ILKAP: variants seen among roughly 807,000 people sequenced by gnomAD.
The protein encoded by ILKAP is integrin-linked kinase-associated serine/threonine phosphatase 2C.
A neutral mutation model predicts 49.1 loss-of-function variants in ILKAP; 11 were observed. That is an observed-to-expected ratio of 0.22 (90% CI 0.14 to 0.37). ILKAP has a LOEUF of 0.37. ILKAP is among the 10% of genes least tolerant of loss of function. The pLI is 1.00. For missense variants in ILKAP, 363 were observed against 510.8 expected (o/e 0.71, Z 2.79); for synonymous variants, 186 against 192.8 (o/e 0.96, Z 0.29).
chr2:238,188,230 C>A lies in ILKAP; in HGVS notation c.326G>T (p.Gly109Val). ...CTCACCCTTCCGCTCAGCCACATAG[C>A]CCTTCAGACCAAAGATCACCGAAGA... ...KASSVIFGLK[G>V]YVAERKGERE... Residue 109 changes from glycine (G) to valine (V), a missense_variant, in exon 5 of 12, where the codon GGC becomes GTC. Transcript: ENST00000254654. 6.2e-7 allele frequency: 1 copy of A among 1,613,960 alleles called. No individual in the cohort carries two copies. The highest frequency in any genetic ancestry group is 8.5e-7 in the Non-Finnish European group (1 of 1,179,990).
At chr2:238,170,834 G>A in intron 11 of ILKAP, 109 bp downstream of exon 11, 1 of 1,437,202 alleles carries the variant, frequency 7.0e-7, no homozygotes, top group Non-Finnish European at 9.8e-7. Flanking sequence ...ACTGAAAAAG[G>A]GCACAAGGGC....
intron 1 of ILKAP, among the ~76,000 whole-genome samples, chr2:238,198,529 G>T (rs529560214): frequency 4.6e-5 from 7 of 152,296 alleles, no homozygotes; most frequent in Admixed American, 1.3e-4. Flanking sequence ...GTGACCCACT[G>T]CTCCAGGCCC....
At position 238,170,975 on chromosome 2, in the gene ILKAP, C is replaced by T. The variant is rs759848373; in HGVS notation, c.1006G>A (p.Glu336Lys). 5.6e-6 allele frequency: 9 copies of T among 1,613,924 alleles called. No individual in the cohort carries two copies. The African/African-American group carries it at 6.7e-5, about 12-fold the overall frequency. The change falls in exon 11 of 12, where the codon GAA (glutamate) becomes AAA (lysine). Residue 336 changes from glutamate (E) to lysine (K), a missense_variant. Physicochemically the swap from Glu to Lys is moderately conservative, Grantham distance 56. Coordinates refer to ENST00000254654, the MANE Select transcript of ILKAP (RefSeq NM_030768.3). ...CAGGACAAGATGAAGTTCACGGCTT[C>T]TTCTGGGGTAAAGACCTTGAAGAGC... ...DGLFKVFTPE[E>K]AVNFILSCLE...
At chr2:238,190,636 G>A (rs890100317) in intron 3 of ILKAP, among the ~76,000 whole-genome samples, 1 of 152,252 alleles carries the variant, frequency 6.6e-6, no homozygotes, top group Admixed American at 6.5e-5. Flanking sequence ...TTTGAAAATG[G>A]GTCAGGACAA....
At position 238,184,215 on chromosome 2, in the gene ILKAP, G is replaced by C. The variant is rs1239181215; in HGVS notation, c.533-102C>G. On this transcript the variant is annotated intron_variant, in intron 6 of 11. Transcript: ENST00000254654. ...TTTTTTGTTTTATTTTTTTGAGACG[G>C]AGTCTCGTTCTGTCACCAGGCTGGA... The C allele has an allele frequency of 1.4e-5, 10 of 735,404 alleles. No individual in the cohort carries two copies. The East Asian group carries it at 2.1e-4, about 15-fold the overall frequency. 45.6% of individuals were successfully genotyped at this position (735,404 alleles called of 1,614,324 possible). A position where few individuals can be genotyped will look rare whatever the true frequency, so the allele number is the denominator to read the frequency against.
intron 6 of ILKAP, among the ~76,000 whole-genome samples, 166 bp downstream of exon 6, chr2:238,185,015 T>A (rs968317790): frequency 6.6e-6 from 1 of 152,208 alleles, no homozygotes; most frequent in Non-Finnish European, 1.5e-5. Flanking sequence ...CACACCTGCA[T>A]GGCCGCTACT....
intron 4 of ILKAP, among the ~76,000 whole-genome samples, chr2:238,189,446 A>G (rs1199494998): frequency 6.6e-6 from 1 of 152,252 alleles, no homozygotes; most frequent in African/African-American, 2.4e-5. Flanking sequence ...ACAAATTTCA[A>G]CGGCTTTTTC....
At chr2:238,172,249 G>A (rs1194423592) in intron 10 of ILKAP, among the ~76,000 whole-genome samples, 2 of 152,076 alleles carry the variant, frequency 1.3e-5, no homozygotes, top group Non-Finnish European at 2.9e-5. Context: ...ATGAGGTTTT[G>A]CCATGTTGGC....
rs1006888123 is a variant in ILKAP at position 238,203,663 on chromosome 2, C to G, written c.-110G>C. On this transcript the variant is annotated 5_prime_UTR_variant, in exon 1 of 12. Transcript: ENST00000254654. Reference sequence around the variant, plus strand: ...GCAGCGGGCGGGCGACGGGCAGGGGCGGCCGGCGCCGTCAGTCACCTGCAG... The same window carrying G: ...GCAGCGGGCGGGCGACGGGCAGGGGGGGCCGGCGCCGTCAGTCACCTGCAG... The G allele has an allele frequency of 3.9e-6, 2 of 513,540 alleles. No homozygotes were observed. The highest frequency in any genetic ancestry group is 5.4e-6 in the Non-Finnish European group (2 of 369,516). The allele number at this position is 513,540 out of a possible 1,614,324, so 31.8% of individuals were successfully genotyped here. A position where few individuals can be genotyped will look rare whatever the true frequency, so the allele number is the denominator to read the frequency against.
intron 9 of ILKAP, among the ~76,000 whole-genome samples, chr2:238,180,086 G>A (rs538203917): frequency 2.6e-5 from 4 of 151,896 alleles, no homozygotes; most frequent in East Asian, 1.9e-4. Context: ...CTGGAGGATC[G>A]CTTCAACCTC....
intron 5 of ILKAP, chr2:238,186,824 A>C (rs895168620): frequency 6.6e-6 from 1 of 152,148 alleles, no homozygotes; most frequent in African/African-American, 2.4e-5. Flanking sequence ...ATGAGAAAAA[A>C]AACCTCATCT....
chr2:238,170,470 T>G lies in ILKAP; in HGVS notation c.*66A>C. On this transcript the variant is annotated 3_prime_UTR_variant, in exon 12 of 12. Coordinates refer to ENST00000254654, the MANE Select transcript of ILKAP (RefSeq NM_030768.3). ...CCACAGGAGTACACAAAACACACAATGTGCACACACACAAAATGAACCTTT... is the reference window on the plus strand; with the variant it reads ...CCACAGGAGTACACAAAACACACAAGGTGCACACACACAAAATGAACCTTT... 6.6e-7 allele frequency: 1 copy of G among 1,506,716 alleles called. No homozygotes were observed. The highest frequency in any genetic ancestry group is 9.0e-7 in the Non-Finnish European group (1 of 1,117,240). The allele number at this position is 1,506,716 out of a possible 1,614,324, so 93.3% of individuals were successfully genotyped here. A position where few individuals can be genotyped will look rare whatever the true frequency, so the allele number is the denominator to read the frequency against.
At chr2:238,174,666 A>G (rs1693368907) in intron 9 of ILKAP, among the ~76,000 whole-genome samples, 1 of 152,206 alleles carries the variant, frequency 6.6e-6, no homozygotes, top group Non-Finnish European at 1.5e-5. Flanking sequence ...ACAGGTCAGT[A>G]TCCGTAACAA....
At chr2:238,186,780 T>C (rs1693925366) in intron 5 of ILKAP, 1 of 152,208 alleles carries the variant, frequency 6.6e-6, no homozygotes, top group Admixed American at 6.5e-5. Context: ...TCAAGTTTTT[T>C]GGAATTCCTT....
chr2:238,173,396 ATT>A (rs1693311902), intron 10 of ILKAP, 136 bp downstream of exon 10: 3 of 1,123,108 alleles, frequency 2.7e-6, no homozygotes, highest in African/African-American at 1.6e-5. Flanking sequence ...CAGAAACCAC[ATT>A]TTGTTTATCT....
At position 238,202,832 on chromosome 2, in the gene ILKAP, T is replaced by G. The variant is rs141572693; in HGVS notation, c.55+667A>C. 1.1e-4 allele frequency among the ~76,000 whole-genome samples: 16 copies of G among 149,538 alleles called. No individual in the cohort carries two copies. In the East Asian group the frequency reaches 3.2e-3, roughly 30 times the overall value. On this transcript the variant is annotated intron_variant, in intron 1 of 11. Transcript: ENST00000254654. ...ACTCCCACTGGCAGGGGCCAGCGCT[T>G]AGGAGATGAGCGGACCCCTTAACTT...
At chr2:238,182,389 G>A (rs370383270) in intron 8 of ILKAP, among the ~76,000 whole-genome samples, 5 of 152,174 alleles carry the variant, frequency 3.3e-5, no homozygotes, top group Non-Finnish European at 7.3e-5. Flanking sequence ...GGAGAGAGTC[G>A]CCCCTGGTTT....
intron 5 of ILKAP, among the ~76,000 whole-genome samples, chr2:238,187,921 A>G (rs1282027459): frequency 6.6e-6 from 1 of 151,894 alleles, no homozygotes; most frequent in Admixed American, 6.6e-5. Context: ...GCCAGTAACA[A>G]CTCCCTCCCG....
At chr2:238,177,290 C>T (rs550071148) in intron 9 of ILKAP, among the ~76,000 whole-genome samples, 18 of 152,280 alleles carry the variant, frequency 1.2e-4, no homozygotes, top group African/African-American at 4.3e-4. Flanking sequence ...AAGCATGCAA[C>T]AGGGAGTTTT....
Sources: allele counts gnomAD v4.1 joint callset (sites outside exome capture counted in the v4.1 genomes callset), GRCh38; gene constraint gnomAD v4.1.1; transcripts MANE v1.5; gene names NCBI Gene and HGNC (gene_info 2026-07-23, HGNC 2026-07-21).